The following DONSON variants were observed in gnomAD, a reference collection of about 807,000 sequenced individuals.
DONSON encodes the protein protein downstream neighbor of Son.
In DONSON, 43 loss-of-function variants were observed where a neutral mutation model predicts 62.1. That is an observed-to-expected ratio of 0.69 (90% CI 0.54 to 0.89). The LOEUF (loss-of-function observed/expected upper bound fraction) is 0.89, where lower values mean the gene tolerates loss of function less well. DONSON is among the 40% of genes least tolerant of loss of function. DONSON has a pLI of 0.00. For synonymous variants in DONSON, 266 were observed against 264.6 expected (o/e 1.01, Z -0.05); for missense variants, 696 against 697.5 (o/e 1.00, Z 0.03).
chr21:33,585,105 A>T (rs2086562702), intron 3 of DONSON, among the ~76,000 whole-genome samples: 2 of 152,200 alleles, frequency 1.3e-5, no homozygotes, highest in Admixed American at 6.5e-5. Context: ...AGGCTGTTTT[A>T]AAAGTAGCCA....
In DONSON at chr21:33,579,509, A is replaced by G; in HGVS notation, c.1404T>C (p.Phe468=). 2.5e-6 allele frequency: 4 copies of G among 1,614,208 alleles called. No homozygotes were observed. The highest frequency in any genetic ancestry group is 3.4e-6 in the Non-Finnish European group (4 of 1,180,014). ...TGATAGGACCTGTAATCTCCAAACTAAATTGGTCTCTGTATCCAGAAAGAG... is the reference window on the plus strand; with the variant it reads ...TGATAGGACCTGTAATCTCCAAACTGAATTGGTCTCTGTATCCAGAAAGAG... ...TQALSGYRDQ[F]SLEITGPIMP... The change falls in exon 9 of 10, where the codon TTT becomes TTC. Residue 468 remains phenylalanine (F), a synonymous_variant. Coordinates refer to ENST00000303071, the MANE Select transcript of DONSON (RefSeq NM_017613.4).
At position 33,581,503 on chromosome 21, in the gene DONSON, G is replaced by C; in HGVS notation, c.1152-3C>G. On this transcript the variant is annotated splice_region_variant and splice_polypyrimidine_tract_variant and intron_variant, in intron 7 of 9. Transcript: ENST00000303071. ...GTACTTCATGTTTCTCTTTACGCCT[G>C]AAGATGACAATCAAGGAAATTGCAA... The C allele has an allele frequency of 6.2e-7, 1 of 1,609,578 alleles. No individual in the cohort carries two copies. The highest frequency in any genetic ancestry group is 8.5e-7 in the Non-Finnish European group (1 of 1,177,184).
Position 33,581,954 on chromosome 21 carries a change from T to C in DONSON, c.1148A>G (p.Lys383Arg), listed in dbSNP as rs754779511. 1 of 1,614,000 alleles carries C rather than the reference T, an allele frequency of 6.2e-7. No individual in the cohort carries two copies. The highest frequency in any genetic ancestry group is 1.1e-5 in the South Asian group (1 of 91,084). ...TTAACAACAACTGAAAGGATACAGC[T>C]TGATAGAAAGTATGTCTGGCTTTTT... ...KIKKPDILSI[K>R]LRKEKHEVQM... The change falls in exon 7 of 10, where the codon AAG (lysine) becomes AGG (arginine). Residue 383 changes from lysine to arginine, a missense_variant. Transcript: ENST00000303071.
intron 5 of DONSON, among the ~76,000 whole-genome samples, chr21:33,583,200 CA>C (rs552034893): frequency 2.7e-3 from 157 of 58,916 alleles, no homozygotes; most frequent in African/African-American, 8.6e-3. Context: ...GTCTCCATCT[CA>C]AAAAAAAAAA....
Position 33,579,518 on chromosome 21 carries a change from T to C in DONSON, c.1395A>G (p.Arg465=), listed in dbSNP as rs2086481457. ...NVKTQALSGY[R]DQFSLEITGP... is the part of the protein sequence containing the mutation. ...CTGTAATCTCCAAACTAAATTGGTC[T>C]CTGTATCCAGAAAGAGCTTGTGTCT... is the stretch of plus-strand genomic sequence containing the variant. The change falls in exon 9 of 10, where the codon AGA becomes AGG. Residue 465 remains arginine (R), a synonymous_variant. Transcript: ENST00000303071. 1 of 1,614,208 alleles carries C rather than the reference T, an allele frequency of 6.2e-7. No individual in the cohort carries two copies. The highest frequency in any genetic ancestry group is 8.5e-7 in the Non-Finnish European group (1 of 1,180,014).
Position 33,578,214 on chromosome 21 carries a change from C to T in DONSON, c.*93G>A. ...CTGTAGTAAAAGTTATGTTTATAAA[C>T]ATTTCAGTATATTCCTTCAACTTCA... On this transcript the variant is annotated 3_prime_UTR_variant, in exon 10 of 10. Transcript: ENST00000303071. 1 of 1,362,008 alleles carries T rather than the reference C, an allele frequency of 7.3e-7. No homozygotes were observed. The highest frequency in any genetic ancestry group is 1.0e-6 in the Non-Finnish European group (1 of 996,484). 84.4% of individuals were successfully genotyped at this position (1,362,008 alleles called of 1,614,324 possible). A position where few individuals can be genotyped will look rare whatever the true frequency, so the allele number is the denominator to read the frequency against.
At position 33,582,183 on chromosome 21, in the gene DONSON, G is replaced by C; in HGVS notation, c.1028C>G (p.Thr343Arg). The stretch of plus-strand genomic sequence containing the variant: ...CACATACTCCCCATATCCCAAGCTT[G>C]TTCCAGATGCTGTCTCCTTCTTATG... The part of the protein sequence containing the change: ...SGHKKETASG[T>R]SLGYGEEQAI... The change falls in exon 6 of 10, where the codon ACA (threonine) becomes AGA (arginine). Residue 343 changes from threonine (T) to arginine (R), a missense_variant. By Grantham distance (71) the Thr-to-Arg change is moderately conservative. Coordinates refer to ENST00000303071, the MANE Select transcript of DONSON (RefSeq NM_017613.4). 6.2e-7 allele frequency: 1 copy of C among 1,614,014 alleles called. No individual in the cohort carries two copies. The highest frequency in any genetic ancestry group is 8.5e-7 in the Non-Finnish European group (1 of 1,179,942).
intron 2 of DONSON, 76 bp downstream of exon 2, chr21:33,587,446 T>G: frequency 1.4e-6 from 2 of 1,473,482 alleles, no homozygotes; most frequent in Non-Finnish European, 1.8e-6. Context: ...TAAATGTATT[T>G]TTAAAAATAG....
At chr21:33,587,785 T>C (rs1250158578) in intron 1 of DONSON, among the ~76,000 whole-genome samples, 183 bp from the exon 2 acceptor site, 1 of 152,152 alleles carries the variant, frequency 6.6e-6, no homozygotes, top group Non-Finnish European at 1.5e-5. Context: ...AGTATCAAAA[T>C]TGAGGGGAAC....
At position 33,581,805 on chromosome 21, in the gene DONSON, C is replaced by A. The variant is rs562440764; in HGVS notation, c.1151+146G>T. ...TTCACCATTTGTTGATACTTAGGGG[C>A]TTATTTAGTATTACAATGGAGAATT... On this transcript the variant is annotated intron_variant, in intron 7 of 9. Coordinates refer to ENST00000303071, the MANE Select transcript of DONSON (RefSeq NM_017613.4). 521 of 745,558 alleles carry A rather than the reference C, an allele frequency of 7.0e-4. 2 individuals are homozygous for A. The highest frequency in any genetic ancestry group is 1.9e-3 in the Middle Eastern group (5 of 2,662). The allele number at this position is 745,558 out of a possible 1,614,324, so 46.2% of individuals were successfully genotyped here. A position where few individuals can be genotyped will look rare whatever the true frequency, so the allele number is the denominator to read the frequency against.
chr21:33,583,935 G>A (rs1415982182), intron 4 of DONSON, among the ~76,000 whole-genome samples: 1 of 149,370 alleles, frequency 6.7e-6, no homozygotes, highest in East Asian at 1.9e-4. Flanking sequence ...AGAATTGCCT[G>A]CTGACTTTCT....
intron 2 of DONSON, among the ~76,000 whole-genome samples, chr21:33,586,658 G>A (rs567481736): frequency 6.6e-6 from 1 of 151,696 alleles, no homozygotes; most frequent in Non-Finnish European, 1.5e-5. Flanking sequence ...AAATTGAGAC[G>A]GAGTCTCCCT....
chr21:33,588,253 C>G (rs1012596548), intron 1 of DONSON, 68 bp downstream of exon 1: 2 of 1,145,306 alleles, frequency 1.7e-6, no homozygotes, highest in Non-Finnish European at 2.2e-6. Context: ...CTTTCCATCC[C>G]CCATTCACAG....
chr21:33,579,500 C>T lies in DONSON; in HGVS notation c.1413G>A (p.Glu471=). 2 of 1,614,236 alleles carry T rather than the reference C, an allele frequency of 1.2e-6. No individual in the cohort carries two copies. The highest frequency in any genetic ancestry group is 1.7e-6 in the Non-Finnish European group (2 of 1,180,032). ...AATGAGGCATGATAGGACCTGTAATCTCCAAACTAAATTGGTCTCTGTATC... is the reference window on the plus strand; with the variant it reads ...AATGAGGCATGATAGGACCTGTAATTTCCAAACTAAATTGGTCTCTGTATC... ...LSGYRDQFSL[E]ITGPIMPHSL... The change falls in exon 9 of 10, where the codon GAG becomes GAA. Residue 471 remains glutamate, a synonymous_variant. Transcript: ENST00000303071.
chr21:33,584,292 TGCCTCG>T (rs1057203449), intron 4 of DONSON, among the ~76,000 whole-genome samples: 3 of 151,682 alleles, frequency 2.0e-5, no homozygotes, highest in African/African-American at 7.2e-5. Context: ...GTGATCCGCC[TGCCTCG>T]GCCTCCCAAA....
Position 33,577,604 on chromosome 21 carries a change from T to TACACAC in DONSON, c.*697_*702dup, listed in dbSNP as rs71194853. The TACACAC allele has an allele frequency of 7.1e-5, 6 of 84,448 alleles. No individual in the cohort carries two copies. Among genetic ancestry groups the TACACAC allele is most frequent in the Admixed American group, 3.9e-4 (3 of 7,596 alleles). The allele number at this position is 84,448 out of a possible 1,614,324, so 5.2% of individuals were successfully genotyped here. On this transcript the variant is annotated 3_prime_UTR_variant, in exon 10 of 10. Coordinates refer to ENST00000303071, the MANE Select transcript of DONSON (RefSeq NM_017613.4). ...AAATGTGAATTATACAGTCCCCCCC[T>TACACAC]ACACACACACACACACACACACACA...
rs1201389346 is a variant in DONSON at position 33,582,165 on chromosome 21, T to G, written c.1046A>C (p.Glu349Ala). The change falls in exon 6 of 10, where the codon GAG becomes GCG. Residue 349 changes from glutamate (E) to alanine (A), a missense_variant and splice_region_variant. Physicochemically the swap from Glu to Ala is moderately radical, Grantham distance 107 (BLOSUM62 -1). Transcript: ENST00000303071. ...ATATAAAGTTATTTTAATCACATACTCCCCATATCCCAAGCTTGTTCCAGA... is the reference window on the plus strand; with the variant it reads ...ATATAAAGTTATTTTAATCACATACGCCCCATATCCCAAGCTTGTTCCAGA... ...TASGTSLGYG[E>A]EQAISDEDEE... is the part of the protein sequence containing the mutation. 1.9e-6 allele frequency: 3 copies of G among 1,613,832 alleles called. No individual in the cohort carries two copies. Among genetic ancestry groups the G allele is most frequent in the Non-Finnish European group, 2.5e-6 (3 of 1,179,802 alleles).
Position 33,586,005 on chromosome 21 carries a change from T to C in DONSON, c.579A>G (p.Thr193=). ...AQGLVQHCRA[T]EVTLPKSIQD... is the part of the protein sequence containing the mutation. Reference sequence around the variant, plus strand: ...GTATACTTTTAGGCAAAGTAACTTCTGTTGCCCTACAATGCTGGACAAGAC... The same window carrying C: ...GTATACTTTTAGGCAAAGTAACTTCCGTTGCCCTACAATGCTGGACAAGAC... The change falls in exon 3 of 10, where the codon ACA becomes ACG. Residue 193 remains threonine (T), a synonymous_variant. Coordinates refer to ENST00000303071, the MANE Select transcript of DONSON (RefSeq NM_017613.4). The C allele has an allele frequency of 6.2e-7, 1 of 1,614,226 alleles. No individual in the cohort carries two copies. The highest frequency in any genetic ancestry group is 2.2e-5 in the East Asian group (1 of 44,876).
chr21:33,581,410 A>G lies in DONSON; in HGVS notation c.1242T>C (p.Phe414=). ...CAACTAAACTCTTAGAGTTAATCAA[A>G]AAATTGAGCAATGTAAAGGTGTTGA... is the stretch of plus-strand genomic sequence containing the variant. ...KGINTFTLLN[F]LINSKSLVAT... is the part of the protein sequence containing the mutation. Residue 414 remains phenylalanine, a synonymous_variant, in exon 8 of 10, where the codon TTT becomes TTC. Coordinates refer to ENST00000303071, the MANE Select transcript of DONSON (RefSeq NM_017613.4). The G allele has an allele frequency of 6.2e-7, 1 of 1,614,180 alleles. No individual in the cohort carries two copies. The highest frequency in any genetic ancestry group is 8.5e-7 in the Non-Finnish European group (1 of 1,180,020).
Sources: gnomAD v4.1 joint callset for allele counts (sites outside exome capture counted in the v4.1 genomes callset) on GRCh38, gnomAD v4.1.1 for gene constraint, MANE v1.5 for transcripts, NCBI Gene and HGNC (gene_info 2026-07-23, HGNC 2026-07-21) for gene names.